Variants in LTA observed in about 807,000 individuals in gnomAD.
LTA encodes lymphotoxin alpha.
LTA carries 6 observed loss-of-function variants against 15.1 expected under a neutral mutation model. The ratio of observed to expected loss-of-function variants is 0.40; its 90% confidence interval spans 0.22 to 0.78. LTA has a LOEUF of 0.78. Among genes scored for constraint, LTA ranks in the 30% least tolerant of loss-of-function variants. LTA has a pLI of 0.38. For missense variants in LTA, 173 were observed against 249.5 expected (o/e 0.69, Z 2.06); for synonymous variants, 87 against 107.3 (o/e 0.81, Z 1.17).
At chr6:31,572,705 T>TCG in intron 1 of LTA, 29 bp from the exon 2 acceptor site, 4 of 442,070 alleles carry the variant, frequency 9.0e-6, no homozygotes, top group East Asian at 1.1e-4. Context: ...CCGCTCACTG[T>TCG]CTCTCTCTCT....
upstream of LTA, among the ~76,000 whole-genome samples, chr6:31,567,706 C>T (rs965360049): frequency 3.4e-5 from 5 of 146,266 alleles, no homozygotes; most frequent in Admixed American, 2.0e-4. Context: ...CACACTCTGA[C>T]GACCTTTAAA....
the LTA span, among the ~76,000 whole-genome samples, chr6:31,560,730 A>G: frequency 1.3e-5 from 2 of 152,208 alleles, no homozygotes; most frequent in Non-Finnish European, 2.9e-5. Flanking sequence ...GGCCTGGAAA[A>G]GAATAATGAG....
chr6:31,563,537 A>G, the LTA span, among the ~76,000 whole-genome samples: 1 of 152,194 alleles, frequency 6.6e-6, no homozygotes, highest in Non-Finnish European at 1.5e-5. Context: ...TAGGCCTCTT[A>G]TGGTGACTCA....
At chr6:31,567,645 A>AACAC (rs9279356), upstream of LTA, among the ~76,000 whole-genome samples, 182 of 122,072 alleles carry the variant, frequency 1.5e-3, no homozygotes, top group South Asian at 5.9e-3. Context: ...TCTCCCCTGC[A>AACAC]ACACACACAC....
chr6:31,571,706 G>C (rs1007533102), upstream of LTA, among the ~76,000 whole-genome samples: 4 of 150,474 alleles, frequency 2.7e-5, no homozygotes, highest in African/African-American at 9.7e-5. Flanking sequence ...TTCAAGAGTG[G>C]AAGGGGGATC....
chr6:31,569,141 C>T (rs1770711210), upstream of LTA, among the ~76,000 whole-genome samples: 1 of 152,134 alleles, frequency 6.6e-6, no homozygotes, highest in Admixed American at 6.6e-5. Context: ...TCCCTAGTAG[C>T]TAGGATTACA....
the LTA span, among the ~76,000 whole-genome samples, chr6:31,561,773 C>T: frequency 6.6e-6 from 1 of 152,028 alleles, no homozygotes; most frequent in Non-Finnish European, 1.5e-5. Flanking sequence ...TCACTGCCTT[C>T]ATAGAACTTG....
At chr6:31,568,397 AGAG>A (rs1193751825), upstream of LTA, among the ~76,000 whole-genome samples, 1 of 152,174 alleles carries the variant, frequency 6.6e-6, no homozygotes, top group Non-Finnish European at 1.5e-5. This position sits in a 1 kb window ranked among gnomAD's most constrained non-coding sequence, Gnocchi z 4.1. Context: ...GGGTTGGGGT[AGAG>A]GAGAAGTTTT....
rs1271422009 is a variant in LTA, at chr6:31,573,604, C to T, written c.529C>T (p.Gln177Ter). 6.2e-7 allele frequency: 1 copy of T among 1,614,160 alleles called. No individual in the cohort carries two copies. The highest frequency in any genetic ancestry group is 1.7e-5 in the Admixed American group (1 of 60,022). ...CCACGGGGCTGCGTTCCAGCTCACC[C>T]AGGGAGACCAGCTATCCACCCACAC... Reference protein sequence around the residue: ...MYHGAAFQLTQGDQLSTHTDG... With the variant: ...MYHGAAFQLT Residue 177 changes from glutamine (Q) to a stop codon, truncating the protein, a stop_gained, in exon 4 of 4, where the codon CAG becomes TAG. Coordinates refer to ENST00000418386, the MANE Select transcript of LTA (RefSeq NM_000595.4). LOFTEE classifies it high-confidence loss of function.
chr6:31,573,796 G>A lies in LTA; in HGVS notation c.*103G>A. 7.3e-7 allele frequency: 1 copy of A among 1,378,278 alleles called. No homozygotes were observed. Among genetic ancestry groups the A allele is most frequent in the Non-Finnish European group, 1.0e-6 (1 of 981,080 alleles). The allele number at this position is 1,378,278 out of a possible 1,614,324, so 85.4% of individuals were successfully genotyped here. The stretch of plus-strand genomic sequence containing the variant: ...AGGGGTCGTCACCACCTCTCCTTTG[G>A]CCATTCCAACAGCTCAAGTCTTCCC... On this transcript the variant is annotated 3_prime_UTR_variant, in exon 4 of 4. Coordinates refer to ENST00000418386, the MANE Select transcript of LTA (RefSeq NM_000595.4).
upstream of LTA, among the ~76,000 whole-genome samples, chr6:31,569,614 G>A (rs1000594694): frequency 3.3e-5 from 5 of 152,140 alleles, no homozygotes; most frequent in East Asian, 9.6e-4. Context: ...CCAACATGGT[G>A]AGACCCCGTC....
chr6:31,568,888 C>T (rs569981018), upstream of LTA, among the ~76,000 whole-genome samples: 2 of 152,290 alleles, frequency 1.3e-5, no homozygotes, highest in African/African-American at 4.8e-5. This position sits in a 1 kb window ranked among gnomAD's most constrained non-coding sequence, Gnocchi z 4.1. Flanking sequence ...CCCCATCACC[C>T]TTCTTGCCTT....
chr6:31,573,084 C>T (rs1293762170), intron 3 of LTA, 51 bp downstream of exon 3: 2 of 1,491,126 alleles, frequency 1.3e-6, no homozygotes, highest in Middle Eastern at 1.7e-4. Flanking sequence ...TCTCCTCCTA[C>T]CCCTGCCTCA....
Position 31,572,367 on chromosome 6 carries a change from A to G in LTA, c.-89A>G. 1 of 363,270 alleles carries G rather than the reference A, an allele frequency of 2.8e-6. No individual in the cohort carries two copies. The highest frequency in any genetic ancestry group is 5.0e-6 in the Non-Finnish European group (1 of 198,358). The allele number at this position is 363,270 out of a possible 1,614,324, so 22.5% of individuals were successfully genotyped here. Reference sequence around the variant, plus strand: ...TTCGTGCTTTGGACTACCGCCCAGCAGTGTCCTGCCCTCTGCCTGGGCCTC... The same window carrying G: ...TTCGTGCTTTGGACTACCGCCCAGCGGTGTCCTGCCCTCTGCCTGGGCCTC... On this transcript the variant is annotated 5_prime_UTR_variant, in exon 1 of 4. Transcript: ENST00000418386.
rs756298590 is a variant in LTA at position 31,573,502 on chromosome 6, C to A, written c.427C>A (p.Pro143Thr). Residue 143 changes from proline (P) to threonine (T), a missense_variant, in exon 4 of 4, where the codon CCC becomes ACC. By Grantham distance (38) the Pro-to-Thr change is conservative (BLOSUM62 -1). Transcript: ENST00000418386. ...HEVQLFSSQY[P>T]FHVPLLSSQK... is the part of the protein sequence containing the mutation. ...GGTCCAGCTCTTCTCCTCCCAGTAC[C>A]CCTTCCATGTGCCTCTCCTCAGCTC... The A allele has an allele frequency of 6.2e-7, 1 of 1,614,070 alleles. No homozygotes were observed. The highest frequency in any genetic ancestry group is 2.2e-5 in the East Asian group (1 of 44,870).
upstream of LTA, among the ~76,000 whole-genome samples, chr6:31,571,358 C>G (rs56242522): frequency 6.6e-5 from 10 of 152,156 alleles, no homozygotes; most frequent in Admixed American, 1.3e-4. Context: ...CTGCACCAGG[C>G]CTGGAACAAT....
At chr6:31,563,321 A>G in the LTA span, among the ~76,000 whole-genome samples, 1 of 146,394 alleles carries the variant, frequency 6.8e-6, no homozygotes, top group African/African-American at 2.5e-5. Context: ...AAATATAACA[A>G]AATTAAGGAA....
At chr6:31,567,637 T>C (rs1377611016), upstream of LTA, among the ~76,000 whole-genome samples, 2 of 133,446 alleles carry the variant, frequency 1.5e-5, no homozygotes, top group African/African-American at 2.9e-5. Flanking sequence ...TCCCCCTCTC[T>C]CCCCTGCAAC....
the LTA span, among the ~76,000 whole-genome samples, chr6:31,563,052 C>G: frequency 1.3e-5 from 2 of 151,802 alleles, no homozygotes; most frequent in African/African-American, 2.4e-5. Flanking sequence ...CCCAGCTACT[C>G]AGGAGGCTGA....
Sources: allele counts gnomAD v4.1 joint callset (sites outside exome capture counted in the v4.1 genomes callset), GRCh38; gene constraint gnomAD v4.1.1; non-coding constraint Gnocchi (gnomAD v3.1); transcripts MANE v1.5; gene names NCBI Gene and HGNC (gene_info 2026-07-23, HGNC 2026-07-21).